The following RCAN2 variants were observed in gnomAD, a reference collection of about 807,000 sequenced individuals.
RCAN2 encodes calcipressin-2.
In RCAN2, 9 loss-of-function variants were observed where a neutral mutation model predicts 23.6. That is an observed-to-expected ratio of 0.38 (90% CI 0.23 to 0.67). The LOEUF (loss-of-function observed/expected upper bound fraction) is 0.67. Among genes scored for constraint, RCAN2 ranks in the 30% least tolerant of loss-of-function variants. The pLI, the probability that RCAN2 is intolerant of heterozygous loss-of-function variation, is 0.51. For synonymous variants in RCAN2, 109 were observed against 115.7 expected, an observed-to-expected ratio of 0.94 and a Z score of 0.37; for missense variants, 273 against 302.3, an observed-to-expected ratio of 0.90 and a Z score of 0.72.
chr6:46,263,539 A>ATGTGTGTGTGTGTGTGTGTG (rs59953064), intron 2 of RCAN2, among the ~76,000 whole-genome samples: 3 of 82,374 alleles, frequency 3.6e-5, no homozygotes, highest in East Asian at 3.4e-4. Flanking sequence ...GTGTGTGTGT[A>ATGTGTGTGTGTGTGTGTGTG]TGTGTGTGTG....
chr6:46,459,921 G>T (rs149280682), intron 1 of RCAN2, among the ~76,000 whole-genome samples: 1 of 152,162 alleles, frequency 6.6e-6, no homozygotes, highest in African/African-American at 2.4e-5. Context: ...GATAATTTCA[G>T]AGCAAGGCAA....
rs537341495 is a variant in RCAN2, at chr6:46,418,811, C to T, written c.225+37941G>A. Among the ~76,000 whole-genome samples, 208 of 149,662 alleles carry T rather than the reference C, an allele frequency of 1.4e-3. No individual in the cohort carries two copies. In the Middle Eastern group the frequency reaches 0.017, roughly 12 times the overall value. ...TTCTTTAGAAAATAATGTGATTGGC[C>T]GGGCACAGTGGCTCATGACTGTAAT... is the stretch of plus-strand genomic sequence containing the variant. On this transcript the variant is annotated intron_variant, in intron 2 of 4. Transcript: ENST00000371374.
At chr6:46,458,262 C>T (rs1330072503) in intron 1 of RCAN2, among the ~76,000 whole-genome samples, 2 of 152,200 alleles carry the variant, frequency 1.3e-5, no homozygotes, top group Non-Finnish European at 2.9e-5. Flanking sequence ...ATATCAGTTT[C>T]TGCTTATCTC....
chr6:46,437,630 C>T (rs1015643412), intron 2 of RCAN2, among the ~76,000 whole-genome samples: 7 of 152,138 alleles, frequency 4.6e-5, no homozygotes, highest in Admixed American at 6.5e-5. Flanking sequence ...CAAAGTCAAT[C>T]GTCTCAGGAA....
intron 2 of RCAN2, among the ~76,000 whole-genome samples, chr6:46,281,442 A>G (rs1391877530): frequency 4.6e-5 from 7 of 152,206 alleles, no homozygotes; most frequent in Admixed American, 4.6e-4. Context: ...ATGGGTTTCA[A>G]TCCACTCTTC....
At chr6:46,488,231 G>A (rs1317882703) in intron 1 of RCAN2, among the ~76,000 whole-genome samples, 2 of 152,210 alleles carry the variant, frequency 1.3e-5, no homozygotes, top group African/African-American at 2.4e-5. Context: ...CTAGGTGCAC[G>A]TCTTACAAAC....
intron 4 of RCAN2, among the ~76,000 whole-genome samples, chr6:46,239,863 T>A (rs575609645): frequency 1.3e-5 from 2 of 152,130 alleles, no homozygotes; most frequent in East Asian, 3.9e-4. Context: ...TCCTGAGACA[T>A]TTAGGACCCA....
At chr6:46,474,825 G>T (rs1310436179) in intron 1 of RCAN2, among the ~76,000 whole-genome samples, 1 of 152,190 alleles carries the variant, frequency 6.6e-6, no homozygotes, top group Non-Finnish European at 1.5e-5. Flanking sequence ...GGGGTGAGTA[G>T]CTGGGAAAGA....
chr6:46,481,454 G>A (rs944474629), intron 1 of RCAN2, among the ~76,000 whole-genome samples: 1 of 152,120 alleles, frequency 6.6e-6, no homozygotes, highest in Non-Finnish European at 1.5e-5. Context: ...ATAGAGATGG[G>A]AGAAAATCCA....
chr6:46,276,242 T>C (rs1434538714), intron 2 of RCAN2, among the ~76,000 whole-genome samples: 1 of 80,522 alleles, frequency 1.2e-5, no homozygotes, highest in Non-Finnish European at 2.9e-5. Context: ...AAACCAACTA[T>C]GCAGGGTTGG....
chr6:46,304,870 A>T (rs1328892796), intron 2 of RCAN2, among the ~76,000 whole-genome samples: 2 of 152,110 alleles, frequency 1.3e-5, no homozygotes, highest in African/African-American at 4.8e-5. Context: ...GCAATTGCAC[A>T]ATTTACTAGA....
chr6:46,407,561 G>A (rs1428047374), intron 2 of RCAN2, among the ~76,000 whole-genome samples: 1 of 152,292 alleles, frequency 6.6e-6, no homozygotes, highest in African/African-American at 2.4e-5. Flanking sequence ...GAAAGAGCTC[G>A]TCTTGCTATG....
intron 3 of RCAN2, 53 bp downstream of exon 3, chr6:46,248,670 G>A (rs1026020003): frequency 6.5e-6 from 9 of 1,395,198 alleles, no homozygotes; most frequent in Non-Finnish European, 7.8e-6. Flanking sequence ...ATTTTAAAAT[G>A]GTAAAAAATA....
chr6:46,440,515 ATCT>A lies in RCAN2; in HGVS notation c.225+16234_225+16236del, dbSNP rs575187394. 7.0e-4 allele frequency among the ~76,000 whole-genome samples: 107 copies of A among 152,280 alleles called. 1 individual carries two copies. The highest frequency in any genetic ancestry group is 2.7e-3 in the South Asian group (13 of 4,826). On this transcript the variant is annotated intron_variant, in intron 2 of 4. Transcript: ENST00000371374. Reference sequence around the variant, plus strand: ...AACACATCCTTAATGATCACTGGACATCTTCTTTACATGTTAAAAGATGATTGT... The same window carrying A: ...AACACATCCTTAATGATCACTGGACATCTTTACATGTTAAAAGATGATTGT...
chr6:46,246,145 T>C (rs1766503855), intron 4 of RCAN2, among the ~76,000 whole-genome samples: 1 of 152,180 alleles, frequency 6.6e-6, no homozygotes, highest in Non-Finnish European at 1.5e-5. Context: ...AGTGGCTAAA[T>C]AAAGTGTGGT....
chr6:46,334,329 T>C (rs561365354), intron 2 of RCAN2, among the ~76,000 whole-genome samples: 5 of 152,182 alleles, frequency 3.3e-5, no homozygotes, highest in African/African-American at 7.2e-5. Flanking sequence ...TATCTCCAAG[T>C]GCCCCCAAAC....
chr6:46,304,915 C>T (rs1320992445), intron 2 of RCAN2, among the ~76,000 whole-genome samples: 2 of 152,076 alleles, frequency 1.3e-5, no homozygotes, highest in Non-Finnish European at 2.9e-5. Context: ...GTGCAAATGA[C>T]AGGTGTGTGA....
chr6:46,361,643 CTTTA>C (rs1270805256), intron 2 of RCAN2, among the ~76,000 whole-genome samples: 3 of 152,058 alleles, frequency 2.0e-5, no homozygotes, highest in Non-Finnish European at 2.9e-5. Context: ...TTATAGCATA[CTTTA>C]TTTAAGAACT....
intron 2 of RCAN2, among the ~76,000 whole-genome samples, chr6:46,413,786 T>C (rs1381709909): frequency 6.6e-6 from 1 of 152,190 alleles, no homozygotes; most frequent in Admixed American, 6.5e-5. Flanking sequence ...CACTTCTTAC[T>C]GAACTGGGGA....
Sources: allele counts gnomAD v4.1 joint callset (sites outside exome capture counted in the v4.1 genomes callset), GRCh38; gene constraint gnomAD v4.1.1; transcripts MANE v1.5; gene names NCBI Gene and HGNC (gene_info 2026-07-23, HGNC 2026-07-21).